PRKX: variants seen among roughly 807,000 people sequenced by gnomAD.
The protein encoded by PRKX is protein kinase cAMP-dependent X-linked catalytic subunit.
PRKX carries 12 observed loss-of-function variants against 22.0 expected under a neutral mutation model. The ratio of observed to expected loss-of-function variants is 0.54; its 90% CI spans 0.35 to 0.88. PRKX has a LOEUF of 0.88. Ranked by LOEUF, PRKX falls within the 40% of genes least tolerant of loss-of-function variation. The pLI is 0.01. For missense variants in PRKX, 217 were observed against 308.0 expected (o/e 0.70, Z 2.21); for synonymous variants, 134 against 137.7 (o/e 0.97, Z 0.19).
intron 2 of PRKX, among the ~76,000 whole-genome samples, chrX:3,665,487 A>C (rs375315854): frequency 1.9e-4 from 21 of 110,321 alleles, no homozygotes; most frequent in Admixed American, 1.8e-3. Flanking sequence ...AAAAAATAAT[A>C]ATAATAAATT....
intron 1 of PRKX, among the ~76,000 whole-genome samples, chrX:3,698,701 G>A (rs1477639707): frequency 9.1e-6 from 1 of 109,946 alleles, no homozygotes; most frequent in Non-Finnish European, 1.9e-5. Flanking sequence ...CGATTTTCGT[G>A]TCTCAGCCTC....
At chrX:3,632,716 C>T (rs1377927052) in intron 4 of PRKX, among the ~76,000 whole-genome samples, 4 of 111,821 alleles carry the variant, frequency 3.6e-5, no homozygotes, top group African/African-American at 6.5e-5. Context: ...AGCACTCCCC[C>T]GGACGCCTGG....
At chrX:3,636,971 A>AAAAGGGGAAAGGGGAAAAGGG (rs1254117283) in intron 4 of PRKX, among the ~76,000 whole-genome samples, 1 of 106,275 alleles carries the variant, frequency 9.4e-6, no homozygotes, top group Non-Finnish European at 1.9e-5. Context: ...AAGGAAAGGA[A>AAAAGGGGAAAGGGGAAAAGGG]AAAGGGGAAA....
At chrX:3,648,726 C>T (rs1170592059) in intron 3 of PRKX, among the ~76,000 whole-genome samples, 1 of 101,412 alleles carries the variant, frequency 9.9e-6, no homozygotes, top group Admixed American at 1.1e-4. Flanking sequence ...AAATAAAAAT[C>T]CAGAGGACAG....
At position 3,605,012 on chromosome X, in the gene PRKX, G is replaced by GACACACATACACACACACACACAC. The variant is rs1926131815; in HGVS notation, c.*3956_*3957insGTGTGTGTGTGTGTGTATGTGTGT. 1.2e-5 allele frequency: 1 copy of GACACACATACACACACACACACAC among 84,556 alleles called. No individual in the cohort carries two copies. Among genetic ancestry groups the GACACACATACACACACACACACAC allele is most frequent in the African/African-American group, 4.4e-5 (1 of 22,509 alleles). 7.0% of individuals were successfully genotyped at this position (84,556 alleles called of 1,213,427 possible). On this transcript the variant is annotated 3_prime_UTR_variant, in exon 9 of 9. Transcript: ENST00000262848. ...AAATACAGCCCCTCACCTTCACCAA[G>GACACACATACACACACACACACAC]ACACACACACACACACACACACACA... is the stretch of plus-strand genomic sequence containing the variant.
chrX:3,702,587 C>T (rs1377879226), intron 1 of PRKX, among the ~76,000 whole-genome samples: 1 of 104,864 alleles, frequency 9.5e-6, no homozygotes, highest in Non-Finnish European at 2.0e-5. Context: ...CGTGAGACAA[C>T]TTCCTTTTTC....
chrX:3,615,451 C>T (rs750798024), intron 7 of PRKX, among the ~76,000 whole-genome samples: 33 of 111,659 alleles, frequency 3.0e-4, no homozygotes, highest in Non-Finnish European at 4.9e-4. Context: ...TCCTGTTGAC[C>T]GCTTTCCACT....
chrX:3,642,805 C>T (rs1927107124), intron 3 of PRKX, among the ~76,000 whole-genome samples: 1 of 108,358 alleles, frequency 9.2e-6, no homozygotes, highest in African/African-American at 3.4e-5. Context: ...TCAAGACCAG[C>T]CTGGCCAACA....
chrX:3,648,066 C>T (rs1309336026), intron 3 of PRKX, among the ~76,000 whole-genome samples: 2 of 111,838 alleles, frequency 1.8e-5, no homozygotes, highest in African/African-American at 6.5e-5. Flanking sequence ...TATTCCTTTT[C>T]AAGGCCAAAT....
rs61418729 is a variant in PRKX at position 3,709,339 on chromosome X, T to C, written c.166+3749A>G. On this transcript the variant is annotated intron_variant, in intron 1 of 8. Transcript: ENST00000262848. ...GTCCATGAGACTCCAGGTACTGTTT[T>C]TGAAATCCCCTGTGAGTCTGTATTT... Among the ~76,000 whole-genome samples, 776 of 111,619 alleles carry C rather than the reference T, an allele frequency of 7.0e-3. 7 individuals carry two copies. Among genetic ancestry groups the C allele is most frequent in the African/African-American group, 0.024 (733 of 30,699 alleles).
At chrX:3,629,291 G>A (rs922621813) in intron 4 of PRKX, among the ~76,000 whole-genome samples, 5 of 110,283 alleles carry the variant, frequency 4.5e-5, no homozygotes, top group Non-Finnish European at 9.5e-5. Flanking sequence ...CCCCAGGCTG[G>A]AGTACTGCAG....
chrX:3,657,134 T>C (rs998797622), intron 2 of PRKX, among the ~76,000 whole-genome samples: 1 of 112,264 alleles, frequency 8.9e-6, no homozygotes, highest in Non-Finnish European at 1.9e-5. Flanking sequence ...GATGTTAAGA[T>C]ATGTGTATCC....
At chrX:3,622,129 G>C (rs1926569470) in intron 5 of PRKX, among the ~76,000 whole-genome samples, 1 of 110,137 alleles carries the variant, frequency 9.1e-6, no homozygotes, top group Non-Finnish European at 1.9e-5. Context: ...GGGTGACAGA[G>C]GTAGAGTCAG....
chrX:3,647,653 ATAGT>A (rs1212212111), intron 3 of PRKX, among the ~76,000 whole-genome samples: 89 of 107,937 alleles, frequency 8.2e-4, no homozygotes, highest in African/African-American at 2.8e-3. Context: ...TTACAATTAT[ATAGT>A]TATTTATAAT....
intron 1 of PRKX, among the ~76,000 whole-genome samples, chrX:3,705,991 C>T (rs1928675916): frequency 1.3e-5 from 1 of 78,951 alleles, no homozygotes; most frequent in Non-Finnish European, 2.2e-5. Context: ...CGCACCCGGC[C>T]GGTTTTTCTT....
At position 3,612,307 on chromosome X, in the gene PRKX, T is replaced by C; in HGVS notation, c.970A>G (p.Ile324Val). Residue 324 changes from isoleucine (I) to valine (V), a missense_variant, in exon 8 of 9, where the codon ATA becomes GTA. Physicochemically the swap from Ile to Val is conservative, Grantham distance 29. Transcript: ENST00000262848. The stretch of plus-strand genomic sequence containing the variant: ...TTGGAAGTGTCGCCGTCACCAGCTA[T>C]CTTGGGCACGATGGGAGGCTGTGAG... The part of the protein sequence containing the change: ...RKLKPPIVPK[I>V]AGDGDTSNFE... 8.3e-7 allele frequency: 1 copy of C among 1,210,189 alleles called. No individual in the cohort carries two copies. Among genetic ancestry groups the C allele is most frequent in the Non-Finnish European group, 1.1e-6 (1 of 895,034 alleles).
At chrX:3,618,557 T>C (rs1320911871) in intron 6 of PRKX, among the ~76,000 whole-genome samples, 2 of 111,628 alleles carry the variant, frequency 1.8e-5, no homozygotes, top group Non-Finnish European at 3.8e-5. Context: ...CATTCCACAA[T>C]GGGTACATAT....
At chrX:3,657,719 C>T (rs769246851) in intron 2 of PRKX, among the ~76,000 whole-genome samples, 6 of 111,552 alleles carry the variant, frequency 5.4e-5, no homozygotes, top group South Asian at 3.8e-4. Flanking sequence ...TGAAGTATTT[C>T]GAAGCACTTG....
At chrX:3,625,789 T>C (rs1218308483) in intron 5 of PRKX, among the ~76,000 whole-genome samples, 1 of 111,132 alleles carries the variant, frequency 9.0e-6, no homozygotes, top group African/African-American at 3.3e-5. Flanking sequence ...CCCAGGATGG[T>C]CTCGATCTCC....
Sources: gnomAD v4.1 joint callset for allele counts (sites outside exome capture counted in the v4.1 genomes callset) on GRCh38, gnomAD v4.1.1 for gene constraint, MANE v1.5 for transcripts, NCBI Gene and HGNC (gene_info 2026-07-23, HGNC 2026-07-21) for gene names.